MAP4K3: variants seen among roughly 807,000 people sequenced by gnomAD.
The protein encoded by MAP4K3 is MAPK/ERK kinase kinase kinase 3.
Under a neutral mutation model 143.5 loss-of-function variants are expected in MAP4K3, and 94 were observed. That is an observed-to-expected ratio of 0.65 (90% CI 0.55 to 0.78). MAP4K3 has a LOEUF of 0.78. Ranked by LOEUF, MAP4K3 falls within the 30% of genes least tolerant of loss-of-function variation. MAP4K3 has a pLI of 0.00. For synonymous variants in MAP4K3, 416 were observed against 347.2 expected (o/e 1.20, Z -2.20); for missense variants, 1,077 against 1,068.1 (o/e 1.01, Z -0.12).
At chr2:39,319,527 C>G (rs2148509319) in intron 12 of MAP4K3, among the ~76,000 whole-genome samples, 1 of 152,202 alleles carries the variant, frequency 6.6e-6, no homozygotes, top group African/African-American at 2.4e-5. Context: ...TGGAACCAAT[C>G]CCCCTTGTGT....
At chr2:39,361,137 T>G (rs1473369737) in intron 2 of MAP4K3, among the ~76,000 whole-genome samples, 1 of 152,206 alleles carries the variant, frequency 6.6e-6, no homozygotes, top group Non-Finnish European at 1.5e-5. Context: ...CAAATCTGTC[T>G]GTCTCTGCCT....
chr2:39,326,764 T>C (rs1262261075), intron 8 of MAP4K3, among the ~76,000 whole-genome samples: 2 of 152,072 alleles, frequency 1.3e-5, no homozygotes, highest in Non-Finnish European at 2.9e-5. Flanking sequence ...TTGGGTCAGT[T>C]TCCCCTATGC....
intron 28 of MAP4K3, among the ~76,000 whole-genome samples, chr2:39,261,475 AAAGAATGACAGTGAAT>A (rs1680565354): frequency 6.6e-6 from 1 of 152,246 alleles, no homozygotes; most frequent in African/African-American, 2.4e-5. Flanking sequence ...CTAAAATTAA[AAAGAATGACAGTGAAT>A]AAGCATCCCA....
intron 19 of MAP4K3, 111 bp from the exon 20 acceptor site, chr2:39,288,391 T>A: frequency 1.1e-6 from 1 of 897,944 alleles, no homozygotes; most frequent in South Asian, 1.8e-5. Context: ...ACATTAGAGG[T>A]TTACCAGATG....
At chr2:39,258,839 C>G (rs1489601864) in intron 29 of MAP4K3, among the ~76,000 whole-genome samples, 1 of 152,132 alleles carries the variant, frequency 6.6e-6, no homozygotes, top group African/African-American at 2.4e-5. Flanking sequence ...ATACAGAATG[C>G]CGACTGCACT....
Position 39,325,613 on chromosome 2 carries a change from G to T in MAP4K3, c.823C>A (p.Gln275Lys). Residue 275 changes from glutamine (Q) to lysine (K), a missense_variant, in exon 12 of 34, where the codon CAA becomes AAA. Physicochemically the swap from Gln to Lys is moderately conservative, Grantham distance 53. This residue lies in a region of MAP4K3 where 864 missense variants were observed against 801.2 expected (regional missense o/e 1.08). Coordinates refer to ENST00000263881, the MANE Select transcript of MAP4K3 (RefSeq NM_003618.4). ...ATTGCCAAAGACCGTGTCAAATGTTGTGTTACAAAAGGATGCTATAAAAAT... is the reference window on the plus strand; with the variant it reads ...ATTGCCAAAGACCGTGTCAAATGTTTTGTTACAAAAGGATGCTATAAAAAT... ...EKLLQHPFVT[Q>K]HLTRSLAIEL... is the part of the protein sequence containing the mutation. 1 of 1,612,620 alleles carries T rather than the reference G, an allele frequency of 6.2e-7. No homozygotes were observed. Among genetic ancestry groups the T allele is most frequent in the Non-Finnish European group, 8.5e-7 (1 of 1,179,122 alleles).
chr2:39,369,309 C>A (rs987436023), intron 2 of MAP4K3, among the ~76,000 whole-genome samples: 1 of 149,924 alleles, frequency 6.7e-6, no homozygotes, highest in Non-Finnish European at 1.5e-5. Flanking sequence ...GATTCTCCTG[C>A]CTCAGCCTCT....
intron 1 of MAP4K3, among the ~76,000 whole-genome samples, chr2:39,409,434 T>C (rs1667178990): frequency 6.6e-6 from 1 of 152,170 alleles, no homozygotes; most frequent in Non-Finnish European, 1.5e-5. Context: ...CTTCAATAAA[T>C]GATCCACTTG....
chr2:39,258,560 A>C lies in MAP4K3; in HGVS notation c.2336T>G (p.Val779Gly). ...GATGGTATCTCTCTCCAGTTGGGTT[A>C]CATGAGTAACATTTGTCTGTGGGGT... ...SDTPQTNVTHVTQLERDTILV... is the reference protein window; with the variant it reads ...SDTPQTNVTHGTQLERDTILV... Residue 779 changes from valine to glycine, a missense_variant, in exon 30 of 34, where the codon GTA becomes GGA. By Grantham distance (109) the Val-to-Gly change is moderately radical. Transcript: ENST00000263881. 6.2e-7 allele frequency: 1 copy of C among 1,613,760 alleles called. No homozygotes were observed. The highest frequency in any genetic ancestry group is 8.5e-7 in the Non-Finnish European group (1 of 1,179,618).
chr2:39,396,247 C>G (rs1048565972), intron 1 of MAP4K3, among the ~76,000 whole-genome samples: 4 of 151,508 alleles, frequency 2.6e-5, no homozygotes, highest in African/African-American at 9.8e-5. Context: ...CACGATGTTG[C>G]TCAGGCTGGT....
In MAP4K3 at chr2:39,258,583, G is replaced by A. The variant is rs770813055; in HGVS notation, c.2313C>T (p.Thr771=). Residue 771 remains threonine (T), a synonymous_variant, in exon 30 of 34, where the codon ACC becomes ACT. Transcript: ENST00000263881. The stretch of plus-strand genomic sequence containing the variant: ...TTACATGAGTAACATTTGTCTGTGG[G>A]GTATCTACAATACAAACAAATTTTG... ...STSSWFTESD[T]PQTNVTHVTQ... 3.1e-6 allele frequency: 5 copies of A among 1,611,650 alleles called. No individual in the cohort carries two copies. Among genetic ancestry groups the A allele is most frequent in the Admixed American group, 1.7e-5 (1 of 59,988 alleles).
At chr2:39,321,994 A>C (rs1683325553) in intron 12 of MAP4K3, among the ~76,000 whole-genome samples, 1 of 152,208 alleles carries the variant, frequency 6.6e-6, no homozygotes. Flanking sequence ...GGGATCCTCC[A>C]TATGTTGAAC....
At chr2:39,402,653 A>AC (rs900750352) in intron 1 of MAP4K3, among the ~76,000 whole-genome samples, 12 of 152,264 alleles carry the variant, frequency 7.9e-5, no homozygotes, top group South Asian at 2.1e-4. Flanking sequence ...ATCAGAGTGT[A>AC]CCTCAATTAA....
At chr2:39,258,294 G>C (rs1018734961) in intron 31 of MAP4K3, 54 bp downstream of exon 31, 8 of 1,113,528 alleles carry the variant, frequency 7.2e-6, no homozygotes, top group Admixed American at 7.0e-5. Context: ...ATAATTAGCA[G>C]ATAAATTATT....
chr2:39,385,705 T>C (rs999085115), intron 1 of MAP4K3, among the ~76,000 whole-genome samples: 10 of 150,924 alleles, frequency 6.6e-5, no homozygotes, highest in South Asian at 2.1e-4. Flanking sequence ...TCTTGGCTCA[T>C]TGCAACCTCC....
At chr2:39,364,061 G>T (rs1050049608) in intron 2 of MAP4K3, among the ~76,000 whole-genome samples, 1 of 150,166 alleles carries the variant, frequency 6.7e-6, no homozygotes, top group African/African-American at 2.4e-5. Flanking sequence ...GTCCACTGTT[G>T]ATGGGAATGT....
chr2:39,288,989 T>C (rs1681916378), intron 19 of MAP4K3, among the ~76,000 whole-genome samples: 1 of 152,174 alleles, frequency 6.6e-6, no homozygotes, highest in Non-Finnish European at 1.5e-5. Context: ...GAGGCGTAGC[T>C]TGCAGTGAGC....
chr2:39,376,396 T>C (rs767157462), intron 2 of MAP4K3, among the ~76,000 whole-genome samples: 3 of 152,242 alleles, frequency 2.0e-5, no homozygotes, highest in East Asian at 1.9e-4. Context: ...TTTTGTATAG[T>C]TGTATATTCT....
At position 39,290,340 on chromosome 2, in the gene MAP4K3, A is replaced by C. The variant is rs779537452; in HGVS notation, c.1272-6T>G. Reference sequence around the variant, plus strand: ...TTTTTGCTTTCAGAGTTGAGCTAAAAACAGAAAAGTTTAGAATCAGAACTA... The same window carrying C: ...TTTTTGCTTTCAGAGTTGAGCTAAACACAGAAAAGTTTAGAATCAGAACTA... On this transcript the variant is annotated splice_polypyrimidine_tract_variant and splice_region_variant and intron_variant, in intron 18 of 33. Transcript: ENST00000263881. The C allele has an allele frequency of 1.3e-6, 2 of 1,598,952 alleles. No homozygotes were observed. Among genetic ancestry groups the C allele is most frequent in the Non-Finnish European group, 1.7e-6 (2 of 1,171,602 alleles).
Sources: gnomAD v4.1 joint callset for allele counts (sites outside exome capture counted in the v4.1 genomes callset) on GRCh38, gnomAD v4.1.1 for gene constraint, gnomAD v4.1.1 regional missense constraint, MANE v1.5 for transcripts, NCBI Gene and HGNC (gene_info 2026-07-23, HGNC 2026-07-21) for gene names.